RUNX2: variants seen among roughly 807,000 people sequenced by gnomAD.
RUNX2 encodes the protein RUNX family transcription factor 2.
In RUNX2, 10 loss-of-function variants were observed where a neutral mutation model predicts 51.7. The observed-to-expected ratio is 0.19, with a 90% CI of 0.12 to 0.33. RUNX2 has a LOEUF of 0.33. RUNX2 is among the 10% of genes least tolerant of loss of function. RUNX2 has a pLI of 1.00. For missense variants in RUNX2, 562 were observed against 691.3 expected, an observed-to-expected ratio of 0.81 and a Z score of 2.10; for synonymous variants, 276 against 273.6, an observed-to-expected ratio of 1.01 and a Z score of -0.09.
At position 45,547,428 on chromosome 6, in the gene RUNX2, TAGA is replaced by T. The variant is rs1264590530; in HGVS notation, c.*127_*129del. On this transcript the variant is annotated 3_prime_UTR_variant, in exon 9 of 9. Coordinates refer to ENST00000647337, the MANE Select transcript of RUNX2 (RefSeq NM_001024630.4). ...AGCTATCTACAAAGTGCCTATTTTT[TAGA>T]AGATTTTTCATTCACTCACTCAGTC... The T allele has an allele frequency of 1.2e-6, 1 of 847,258 alleles. No homozygotes were observed. Among genetic ancestry groups the T allele is most frequent in the Non-Finnish European group, 2.0e-6 (1 of 511,186 alleles). 52.5% of individuals were successfully genotyped at this position (847,258 alleles called of 1,614,324 possible). A position where few individuals can be genotyped will look rare whatever the true frequency, so the allele number is the denominator to read the frequency against.
chr6:45,456,737 G>C (rs962844541), intron 5 of RUNX2, among the ~76,000 whole-genome samples: 5 of 152,080 alleles, frequency 3.3e-5, no homozygotes, highest in Non-Finnish European at 7.4e-5. Flanking sequence ...CTATGGGCTG[G>C]GTTTTCAGAA....
At chr6:45,497,904 T>C (rs1800693252) in intron 6 of RUNX2, among the ~76,000 whole-genome samples, 1 of 152,220 alleles carries the variant, frequency 6.6e-6, no homozygotes, top group Non-Finnish European at 1.5e-5. Context: ...TTTTCTAGTG[T>C]CTGTTTGATT....
chr6:45,399,766 G>GGAAA (rs1170157106), intron 2 of RUNX2, among the ~76,000 whole-genome samples: 2 of 148,334 alleles, frequency 1.3e-5, no homozygotes, highest in Non-Finnish European at 3.0e-5. Flanking sequence ...AGGAAAGGAA[G>GGAAA]GAAGGAGGGA....
chr6:45,523,258 T>G (rs981803531), intron 7 of RUNX2, among the ~76,000 whole-genome samples: 1 of 152,074 alleles, frequency 6.6e-6, no homozygotes, highest in African/African-American at 2.4e-5. Context: ...ACTGCATGAT[T>G]ATTATTATTA....
At chr6:45,387,474 T>C (rs1193371492) in intron 2 of RUNX2, among the ~76,000 whole-genome samples, 1 of 152,180 alleles carries the variant, frequency 6.6e-6, no homozygotes, top group East Asian at 1.9e-4. Flanking sequence ...AGAATCTGTG[T>C]GGGCACAGCG....
At chr6:45,396,550 C>T (rs938048568) in intron 2 of RUNX2, among the ~76,000 whole-genome samples, 7 of 152,116 alleles carry the variant, frequency 4.6e-5, no homozygotes, top group Admixed American at 4.6e-4. Flanking sequence ...GGACTACAGG[C>T]ATGTGGTACC....
chr6:45,393,361 T>C (rs949634769), intron 2 of RUNX2, among the ~76,000 whole-genome samples: 2 of 152,222 alleles, frequency 1.3e-5, no homozygotes, highest in Non-Finnish European at 2.9e-5. Flanking sequence ...CTGTGCTTAT[T>C]GTTTGCTATA....
intron 6 of RUNX2, among the ~76,000 whole-genome samples, chr6:45,511,930 C>T (rs917292164): frequency 6.6e-6 from 1 of 151,990 alleles, no homozygotes; most frequent in African/African-American, 2.4e-5. Context: ...TAAAGATAAC[C>T]AAAGCAGATT....
rs1233874043 is a variant in RUNX2 at position 45,549,379 on chromosome 6, C to T, written c.*2074C>T. 1 of 398,470 alleles carries T rather than the reference C, an allele frequency of 2.5e-6. No homozygotes were observed. The highest frequency in any genetic ancestry group is 4.4e-6 in the Non-Finnish European group (1 of 226,068). 24.7% of individuals were successfully genotyped at this position (398,470 alleles called of 1,614,324 possible). On this transcript the variant is annotated 3_prime_UTR_variant, in exon 9 of 9. Coordinates refer to ENST00000647337, the MANE Select transcript of RUNX2 (RefSeq NM_001024630.4). The stretch of plus-strand genomic sequence containing the variant: ...GTGTGGGGCAGCTGGACCTGTGCTT[C>T]CTGCCTGGGAGTCTCCCTTGGAATT...
chr6:45,456,269 T>A (rs145955613), intron 5 of RUNX2, among the ~76,000 whole-genome samples: 18 of 152,328 alleles, frequency 1.2e-4, no homozygotes, highest in African/African-American at 3.6e-4. Context: ...ATTTTTGCAT[T>A]TTCTAAACTG....
At chr6:45,495,934 GC>G (rs1442925856) in intron 6 of RUNX2, among the ~76,000 whole-genome samples, 6 of 152,158 alleles carry the variant, frequency 3.9e-5, no homozygotes, top group Admixed American at 1.3e-4. Context: ...TCTTTGCAGT[GC>G]TTGTCTGATG....
At chr6:45,455,661 T>A (rs1170821403) in intron 5 of RUNX2, among the ~76,000 whole-genome samples, 1 of 152,144 alleles carries the variant, frequency 6.6e-6, no homozygotes, top group Admixed American at 6.5e-5. Context: ...TTTAGCACAG[T>A]GTGAAGTGTG....
chr6:45,400,496 A>C (rs961396550), intron 2 of RUNX2, among the ~76,000 whole-genome samples: 1 of 152,182 alleles, frequency 6.6e-6, no homozygotes, highest in Non-Finnish European at 1.5e-5. Flanking sequence ...TGTTCCTTAA[A>C]TGATCTAGAT....
chr6:45,451,045 T>G (rs1401115037), intron 5 of RUNX2, among the ~76,000 whole-genome samples: 1 of 152,212 alleles, frequency 6.6e-6, no homozygotes, highest in Non-Finnish European at 1.5e-5. Flanking sequence ...ATAGATGTTA[T>G]CTACAAAGGA....
At chr6:45,406,552 C>T (rs1428286768) in intron 2 of RUNX2, among the ~76,000 whole-genome samples, 1 of 152,124 alleles carries the variant, frequency 6.6e-6, no homozygotes, top group Non-Finnish European at 1.5e-5. Context: ...GTAGCTGGGA[C>T]TACAGGCACG....
intron 7 of RUNX2, among the ~76,000 whole-genome samples, chr6:45,544,789 T>C (rs554901373): frequency 1.3e-5 from 2 of 152,190 alleles, no homozygotes; most frequent in Non-Finnish European, 2.9e-5. Context: ...TTGGCCTCTG[T>C]ATTGTACGAG....
At chr6:45,422,513 C>T in intron 2 of RUNX2, 80 bp from the exon 3 acceptor site, 3 of 1,170,608 alleles carry the variant, frequency 2.6e-6, no homozygotes, top group Non-Finnish European at 3.4e-6. Context: ...CAATTTCCTC[C>T]TTGCCCCTCA....
At chr6:45,361,412 A>C (rs1175172247) in intron 2 of RUNX2, among the ~76,000 whole-genome samples, 1 of 152,212 alleles carries the variant, frequency 6.6e-6, no homozygotes, top group Non-Finnish European at 1.5e-5. Context: ...ACTCTGAAAA[A>C]GTACATGACA....
At chr6:45,366,224 T>C (rs1443635050) in intron 2 of RUNX2, among the ~76,000 whole-genome samples, 2 of 152,224 alleles carry the variant, frequency 1.3e-5, no homozygotes, top group Admixed American at 6.5e-5. Flanking sequence ...GAACATATGA[T>C]AAAGTAAAGC....
Sources: allele counts gnomAD v4.1 joint callset (sites outside exome capture counted in the v4.1 genomes callset), GRCh38; gene constraint gnomAD v4.1.1; transcripts MANE v1.5; gene names NCBI Gene and HGNC (gene_info 2026-07-23, HGNC 2026-07-21).